SNTB1: variants seen among roughly 807,000 people sequenced by gnomAD.
SNTB1 encodes syntrophin beta 1, also known as beta-1-syntrophin.
In SNTB1, 36 loss-of-function variants were observed where a neutral mutation model predicts 48.9. That is an observed-to-expected ratio of 0.74 (90% CI 0.56 to 0.97). The LOEUF (loss-of-function observed/expected upper bound fraction) is 0.97. Ranked by LOEUF, SNTB1 falls within the 50% of genes least tolerant of loss-of-function variation. SNTB1 has a pLI of 0.00. For synonymous variants in SNTB1, 299 were observed against 294.6 expected (o/e 1.01, Z -0.15); for missense variants, 786 against 703.4 (o/e 1.12, Z -1.33).
intron 4 of SNTB1, among the ~76,000 whole-genome samples, chr8:120,551,684 C>CCACTG (rs796385957): frequency 6.9e-5 from 10 of 145,524 alleles, no homozygotes; most frequent in African/African-American, 1.8e-4. Context: ...CAAGATCGCA[C>CCACTG]CACTGCACTC....
At chr8:120,703,415 G>A (rs1009018830) in intron 1 of SNTB1, among the ~76,000 whole-genome samples, 4 of 152,320 alleles carry the variant, frequency 2.6e-5, no homozygotes, top group South Asian at 4.1e-4. Context: ...ATGAGCCACC[G>A]TGTGTGGCCA....
At chr8:120,597,683 G>A (rs2130715049) in intron 3 of SNTB1, among the ~76,000 whole-genome samples, 1 of 152,350 alleles carries the variant, frequency 6.6e-6, no homozygotes, top group East Asian at 1.9e-4. Flanking sequence ...AAGAATATGG[G>A]AGCAGCATTA....
intron 1 of SNTB1, among the ~76,000 whole-genome samples, chr8:120,791,678 A>G (rs1307760471): frequency 6.6e-6 from 1 of 152,042 alleles, no homozygotes; most frequent in Admixed American, 6.6e-5. Context: ...GAAGATATAC[A>G]AATTCCAACA....
chr8:120,783,465 AT>A (rs1240896890), intron 1 of SNTB1, among the ~76,000 whole-genome samples: 1 of 152,250 alleles, frequency 6.6e-6, no homozygotes, highest in Non-Finnish European at 1.5e-5. Flanking sequence ...ATGAAAAAAA[AT>A]AATGTCAATA....
chr8:120,795,134 T>G lies in SNTB1; in HGVS notation c.571+16139A>C, dbSNP rs1820101095. Among the ~76,000 whole-genome samples the G allele has an allele frequency of 2.0e-5, 3 of 152,076 alleles. 1 individual carries two copies. Among genetic ancestry groups the G allele is most frequent in the African/African-American group, 7.2e-5 (3 of 41,422 alleles). ...TACTTATACATTTAAAATTTATTTG[T>G]ATCAAATAACTATTTTATTCAGCAA... On this transcript the variant is annotated intron_variant, in intron 1 of 6. Coordinates refer to ENST00000517992, the MANE Select transcript of SNTB1 (RefSeq NM_021021.4).
intron 6 of SNTB1, among the ~76,000 whole-genome samples, chr8:120,541,437 A>G (rs1815286841): frequency 1.3e-5 from 2 of 152,126 alleles, no homozygotes; most frequent in East Asian, 1.9e-4. Context: ...GGTAGGGACC[A>G]TGTCTTTTAC....
chr8:120,721,931 C>A (rs752553042), intron 1 of SNTB1, among the ~76,000 whole-genome samples: 1 of 150,760 alleles, frequency 6.6e-6, no homozygotes, highest in East Asian at 2.0e-4. Flanking sequence ...ATGTTCCCCA[C>A]CCTGTGACCA....
At chr8:120,666,724 T>C (rs1332839510) in intron 2 of SNTB1, among the ~76,000 whole-genome samples, 1 of 152,154 alleles carries the variant, frequency 6.6e-6, no homozygotes, top group East Asian at 1.9e-4. Context: ...TACAGGTGTA[T>C]TAGGCTGCTT....
intron 1 of SNTB1, among the ~76,000 whole-genome samples, chr8:120,715,584 T>G (rs1377220607): frequency 6.6e-6 from 1 of 152,204 alleles, no homozygotes; most frequent in East Asian, 1.9e-4. Context: ...GAAGGTATTA[T>G]AAACAAACAA....
At chr8:120,733,086 A>C (rs1295551164) in intron 1 of SNTB1, among the ~76,000 whole-genome samples, 1 of 152,260 alleles carries the variant, frequency 6.6e-6, no homozygotes, top group East Asian at 1.9e-4. Flanking sequence ...AATTTCATTC[A>C]ACAGGCCCTG....
At chr8:120,593,273 G>A (rs1020635670) in intron 3 of SNTB1, among the ~76,000 whole-genome samples, 2 of 152,196 alleles carry the variant, frequency 1.3e-5, no homozygotes, top group African/African-American at 2.4e-5. Flanking sequence ...AAGGAAAGAT[G>A]CCCTGAGCCT....
chr8:120,756,243 T>A (rs1473082194), intron 1 of SNTB1, among the ~76,000 whole-genome samples: 1 of 152,220 alleles, frequency 6.6e-6, no homozygotes, highest in African/African-American at 2.4e-5. Context: ...ATATTTGTTG[T>A]CTGTTTCTTA....
chr8:120,743,172 G>A (rs531625321), intron 1 of SNTB1, among the ~76,000 whole-genome samples: 2 of 152,252 alleles, frequency 1.3e-5, no homozygotes, highest in African/African-American at 2.4e-5. Context: ...CTGCTCAATT[G>A]TTCCACAAGG....
At chr8:120,722,091 G>A (rs914350916) in intron 1 of SNTB1, among the ~76,000 whole-genome samples, 7 of 152,142 alleles carry the variant, frequency 4.6e-5, no homozygotes, top group Non-Finnish European at 8.8e-5. Context: ...TGGCTGCATA[G>A]TATTCCATGG....
intron 1 of SNTB1, among the ~76,000 whole-genome samples, chr8:120,714,874 C>A (rs1044001994): frequency 1.3e-5 from 2 of 152,190 alleles, no homozygotes; most frequent in Non-Finnish European, 2.9e-5. Flanking sequence ...AACATCTGTT[C>A]TTACATTCAA....
intron 1 of SNTB1, among the ~76,000 whole-genome samples, chr8:120,695,054 A>G (rs6995596): frequency 0.48 from 73,478 of 152,088 alleles, 23,218 homozygotes; most frequent in African/African-American, 0.87. Context: ...CTTTTGGGTT[A>G]ACAGGGCAAC....
intron 2 of SNTB1, among the ~76,000 whole-genome samples, chr8:120,651,634 G>GT (rs1305949781): frequency 2.0e-5 from 3 of 152,064 alleles, no homozygotes; most frequent in Admixed American, 6.5e-5. Flanking sequence ...AGTATTATGT[G>GT]TTTTTTTAAA....
intron 3 of SNTB1, among the ~76,000 whole-genome samples, chr8:120,604,753 C>T (rs1471853179): frequency 6.6e-6 from 1 of 152,122 alleles, no homozygotes; most frequent in East Asian, 1.9e-4. Context: ...GCCTGGCCAA[C>T]TTTTGCATTT....
intron 4 of SNTB1, among the ~76,000 whole-genome samples, chr8:120,555,831 C>G (rs1815557515): frequency 6.6e-6 from 1 of 152,072 alleles, no homozygotes; most frequent in Admixed American, 6.6e-5. Flanking sequence ...GGAAGAGAAG[C>G]CAAAAATCTC....
Sources: gnomAD v4.1 joint callset for allele counts (sites outside exome capture counted in the v4.1 genomes callset) on GRCh38, gnomAD v4.1.1 for gene constraint, MANE v1.5 for transcripts, NCBI Gene and HGNC (gene_info 2026-07-23, HGNC 2026-07-21) for gene names.